The following RAB7B variants were observed in gnomAD, a reference collection of about 807,000 sequenced individuals.
RAB7B encodes the protein RAB7B, member RAS oncogene family.
At chr1:205,986,373 A>G (rs1259963862) in intron 4 of RAB7B, among the ~76,000 whole-genome samples, 1 of 152,222 alleles carries the variant, frequency 6.6e-6, no homozygotes, top group African/African-American at 2.4e-5. Flanking sequence ...ATAGACAAAA[A>G]CACTGAGGTT....
At chr1:205,979,566 G>A (rs997027808) in intron 5 of RAB7B, among the ~76,000 whole-genome samples, 2 of 151,830 alleles carry the variant, frequency 1.3e-5, no homozygotes, top group African/African-American at 2.4e-5. Flanking sequence ...CAGTTCAGGG[G>A]TTGGGGTGGT....
chr1:205,996,619 G>A (rs1162544744), intron 1 of RAB7B, among the ~76,000 whole-genome samples: 9 of 152,208 alleles, frequency 5.9e-5, no homozygotes, highest in African/African-American at 1.9e-4. Flanking sequence ...GAAGCCCCCA[G>A]AGATTTAGGA....
intron 4 of RAB7B, among the ~76,000 whole-genome samples, chr1:205,988,706 T>C (rs1168927398): frequency 5.9e-5 from 9 of 152,326 alleles, no homozygotes; most frequent in African/African-American, 2.2e-4. Context: ...GTCTGTGTTC[T>C]GGTCTCCGCC....
In RAB7B at chr1:205,978,190, T is replaced by C. The variant is rs1660420493; in HGVS notation, c.*661A>G. 6.6e-6 allele frequency: 1 copy of C among 152,122 alleles called. No individual in the cohort carries two copies. Among genetic ancestry groups the C allele is most frequent in the African/African-American group, 2.4e-5 (1 of 41,430 alleles). The allele number at this position is 152,122 out of a possible 1,614,324, so 9.4% of individuals were successfully genotyped here. A position where few individuals can be genotyped will look rare whatever the true frequency, so the allele number is the denominator to read the frequency against. On this transcript the variant is annotated 3_prime_UTR_variant, in exon 6 of 6. Coordinates refer to ENST00000617070, the MANE Select transcript of RAB7B (RefSeq NM_001164522.3). ...CACCCCCACAGGACAGATAAACAAA[T>C]TGAGACTCAGAGATTTATGTGAGTT... is the stretch of plus-strand genomic sequence containing the variant.
At chr1:205,998,409 C>T (rs1660841439) in intron 1 of RAB7B, among the ~76,000 whole-genome samples, 1 of 152,164 alleles carries the variant, frequency 6.6e-6, no homozygotes, top group African/African-American at 2.4e-5. Flanking sequence ...TGTGTCATGC[C>T]TCCTAATCAC....
At position 205,992,685 on chromosome 1, in the gene RAB7B, G is replaced by A. The variant is rs1374699658; in HGVS notation, c.191C>T (p.Thr64Met). ...DTTLKLQIWD[T>M]GGQERFRSMV... ...GGAGCGGAACCGCTCCTGACCGCCC[G>A]TGTCCCAGATCTGGAGGGGAAAGCA... The change falls in exon 4 of 6, where the codon ACG becomes ATG. Residue 64 changes from threonine to methionine, a missense_variant. By Grantham distance (81) the Thr-to-Met change is moderately conservative. Coordinates refer to ENST00000617070, the MANE Select transcript of RAB7B (RefSeq NM_001164522.3). 5.5e-5 allele frequency: 22 copies of A among 398,866 alleles called. No homozygotes were observed. Among genetic ancestry groups the A allele is most frequent in the African/African-American group, 3.7e-4 (18 of 48,768 alleles). The allele number at this position is 398,866 out of a possible 1,614,324, so 24.7% of individuals were successfully genotyped here.
chr1:205,987,425 A>G (rs1407760525), intron 4 of RAB7B, among the ~76,000 whole-genome samples: 2 of 152,150 alleles, frequency 1.3e-5, no homozygotes, highest in African/African-American at 4.8e-5. Context: ...TTGCAATTTT[A>G]CTTGTTCATT....
At chr1:205,984,599 C>T (rs1660556486) in intron 5 of RAB7B, among the ~76,000 whole-genome samples, 1 of 152,228 alleles carries the variant, frequency 6.6e-6, no homozygotes, top group Non-Finnish European at 1.5e-5. Context: ...CCACATCAGA[C>T]TGACGTTAAA....
intron 1 of RAB7B, among the ~76,000 whole-genome samples, chr1:206,002,836 T>C (rs939110287): frequency 6.6e-6 from 1 of 152,170 alleles, no homozygotes; most frequent in South Asian, 2.1e-4. Context: ...ATGAGACCCT[T>C]AGGCCAACAC....
chr1:205,982,311 C>G (rs1474508645), intron 5 of RAB7B, among the ~76,000 whole-genome samples: 1 of 152,198 alleles, frequency 6.6e-6, no homozygotes, highest in Non-Finnish European at 1.5e-5. Context: ...GTTCCTTTCT[C>G]CCTGCATTTG....
At chr1:205,988,237 T>TG (rs1379855309) in intron 4 of RAB7B, among the ~76,000 whole-genome samples, 1 of 28,614 alleles carries the variant, frequency 3.5e-5, no homozygotes, top group Non-Finnish European at 2.9e-4. Flanking sequence ...TGGGTTTTTT[T>TG]TTTTTTTTTC....
At chr1:205,996,158 G>C (rs902232784) in intron 1 of RAB7B, among the ~76,000 whole-genome samples, 115 of 144,928 alleles carry the variant, frequency 7.9e-4, no homozygotes, top group African/African-American at 2.8e-3. Context: ...GTGTGTGTGT[G>C]TGTGTGTGTG....
chr1:205,988,415 T>G (rs1660655920), intron 4 of RAB7B, among the ~76,000 whole-genome samples: 1 of 152,148 alleles, frequency 6.6e-6, no homozygotes, highest in Admixed American at 6.5e-5. Context: ...TTTTTTCTTT[T>G]GTAGAGATGG....
Position 205,995,422 on chromosome 1 carries a change from G to A in RAB7B, c.-16-1271C>T, listed in dbSNP as rs1390067648. Reference sequence around the variant, plus strand: ...TAGACAAAGGAAATGAAATCAGTATGTTGAAGAGATGTCTACACTCCCAGG... The same window carrying A: ...TAGACAAAGGAAATGAAATCAGTATATTGAAGAGATGTCTACACTCCCAGG... On this transcript the variant is annotated intron_variant, in intron 1 of 5. Transcript: ENST00000617070. 1.3e-4 allele frequency among the ~76,000 whole-genome samples: 20 copies of A among 152,296 alleles called. No individual in the cohort carries two copies. The East Asian group carries it at 3.1e-3, about 23-fold the overall frequency.
At chr1:205,996,143 A>T (rs1420348843) in intron 1 of RAB7B, among the ~76,000 whole-genome samples, 9 of 142,796 alleles carry the variant, frequency 6.3e-5, no homozygotes, top group Admixed American at 3.5e-4. Flanking sequence ...GTAAATGTAT[A>T]GTGTGTGTGT....
chr1:205,987,945 A>AT (rs1357407681), intron 4 of RAB7B, among the ~76,000 whole-genome samples: 1 of 152,074 alleles, frequency 6.6e-6, no homozygotes, highest in Non-Finnish European at 1.5e-5. Context: ...GGGTCTCACT[A>AT]TGCTGCCCAG....
At chr1:205,980,702 G>A (rs36138170) in intron 5 of RAB7B, among the ~76,000 whole-genome samples, 47,610 of 152,068 alleles carry the variant, frequency 0.31, 8,051 homozygotes, top group East Asian at 0.44. Flanking sequence ...TGGTGATTCT[G>A]TCTTTTTCCA....
intron 3 of RAB7B, among the ~76,000 whole-genome samples, chr1:205,993,101 G>A (rs891479118): frequency 0.054 from 8,203 of 152,138 alleles, 222 homozygotes; most frequent in Admixed American, 0.062. Flanking sequence ...TCAGGCATCA[G>A]CATTTTTTTT....
intron 4 of RAB7B, among the ~76,000 whole-genome samples, chr1:205,986,189 T>C (rs1444210582): frequency 6.6e-6 from 1 of 152,242 alleles, no homozygotes; most frequent in Non-Finnish European, 1.5e-5. Context: ...TCAGGAGGCC[T>C]GTTGCTGGGC....
Sources: allele counts gnomAD v4.1 joint callset (sites outside exome capture counted in the v4.1 genomes callset), GRCh38; gene constraint gnomAD v4.1.1; transcripts MANE v1.5; gene names NCBI Gene and HGNC (gene_info 2026-07-23, HGNC 2026-07-21).